The following TMCO5A variants were observed in gnomAD, a reference collection of about 807,000 sequenced individuals.
TMCO5A encodes the protein transmembrane and coiled-coil domains 5A.
TMCO5A carries 34 observed loss-of-function variants against 42.3 expected under a neutral mutation model. The ratio of observed to expected loss-of-function variants is 0.80; its 90% CI spans 0.61 to 1.07. The LOEUF is 1.07. TMCO5A is among the 50% of genes least tolerant of loss of function. TMCO5A has a pLI of 0.00. For missense variants in TMCO5A, 357 were observed against 327.9 expected (o/e 1.09, Z -0.69); for synonymous variants, 131 against 115.6 (o/e 1.13, Z -0.86).
the TMCO5A span, among the ~76,000 whole-genome samples, chr15:38,038,444 G>A: frequency 7.4e-5 from 11 of 147,942 alleles, no homozygotes; most frequent in Admixed American, 2.0e-4. Flanking sequence ...TCGCTTTGTC[G>A]CCCAGGCTGG....
At chr15:37,966,951 G>A in exon 12 of TMCO5A, 1 of 395,556 alleles carries the variant, frequency 2.5e-6, no homozygotes. Flanking sequence ...GGGGCTCAGT[G>A]CCTATGGAAG....
chr15:37,968,312 C>A (rs1890604308), downstream of TMCO5A, among the ~76,000 whole-genome samples: 1 of 152,144 alleles, frequency 6.6e-6, no homozygotes, highest in Admixed American at 6.5e-5. Flanking sequence ...CTCTGGAGAT[C>A]CACCCCTTTG....
At chr15:37,984,721 TC>T in the TMCO5A span, 1 of 118,908 alleles carries the variant, frequency 8.4e-6, no homozygotes, top group African/African-American at 3.2e-5. Flanking sequence ...GCCTTTCCAC[TC>T]TTCCACCTTG....
At chr15:37,976,259 G>T in the TMCO5A span, among the ~76,000 whole-genome samples, 1 of 150,530 alleles carries the variant, frequency 6.6e-6, no homozygotes, top group East Asian at 2.0e-4. Flanking sequence ...AAAAAAAAAA[G>T]ATCTTATTTT....
chr15:38,033,777 C>A, the TMCO5A span, among the ~76,000 whole-genome samples: 1,648 of 151,998 alleles, frequency 0.011, 27 homozygotes, highest in African/African-American at 0.038. Context: ...CCATGCCCAG[C>A]AAATTTTTGT....
downstream of TMCO5A, among the ~76,000 whole-genome samples, chr15:37,954,255 TAATC>T (rs1049477606): frequency 2.0e-5 from 3 of 152,002 alleles, no homozygotes; most frequent in African/African-American, 4.8e-5. Context: ...AGGCATTTAA[TAATC>T]AAATTCCCAA....
At chr15:38,036,665 C>G in the TMCO5A span, among the ~76,000 whole-genome samples, 11 of 152,238 alleles carry the variant, frequency 7.2e-5, no homozygotes, top group East Asian at 2.1e-3. Flanking sequence ...CTCATACATA[C>G]CTAAACAATC....
chr15:37,934,902 A>G (rs996397702), intron 1 of TMCO5A, among the ~76,000 whole-genome samples: 4 of 152,188 alleles, frequency 2.6e-5, no homozygotes, highest in African/African-American at 9.6e-5. Context: ...CTTTATGGAA[A>G]GCAACTGGCC....
chr15:38,037,596 G>T, the TMCO5A span, among the ~76,000 whole-genome samples: 6 of 152,208 alleles, frequency 3.9e-5, no homozygotes, highest in Non-Finnish European at 7.3e-5. Context: ...CCAATAAGTA[G>T]AGAATCAGGG....
At chr15:38,004,822 G>T in the TMCO5A span, 1 of 152,180 alleles carries the variant, frequency 6.6e-6, no homozygotes, top group Admixed American at 6.5e-5. Flanking sequence ...GTGATGTGAA[G>T]TTAAAACCAG....
the TMCO5A span, among the ~76,000 whole-genome samples, chr15:37,987,880 T>G: frequency 6.6e-6 from 1 of 151,972 alleles, no homozygotes. Context: ...GATAAACTTT[T>G]CTATTTCTGC....
chr15:38,015,646 G>A, the TMCO5A span, among the ~76,000 whole-genome samples: 5 of 152,278 alleles, frequency 3.3e-5, no homozygotes, highest in South Asian at 1.0e-3. Context: ...AAGCTTGGAA[G>A]CAACCAAGAT....
downstream of TMCO5A, among the ~76,000 whole-genome samples, chr15:37,972,081 A>G (rs2140833139): frequency 6.6e-6 from 1 of 152,318 alleles, no homozygotes. Context: ...CTGCTGATGA[A>G]GACATACCTG....
At chr15:38,008,044 T>G in the TMCO5A span, among the ~76,000 whole-genome samples, 1 of 151,670 alleles carries the variant, frequency 6.6e-6, no homozygotes, top group Non-Finnish European at 1.5e-5. Context: ...TACAGGCGCC[T>G]GCCACCACGC....
At chr15:37,999,314 C>T in the TMCO5A span, among the ~76,000 whole-genome samples, 10 of 152,224 alleles carry the variant, frequency 6.6e-5, no homozygotes, top group South Asian at 1.7e-3. Flanking sequence ...ATTGCTTTCT[C>T]GATTTCCTTT....
chr15:37,942,980 G>T (rs1595591150), intron 9 of TMCO5A: 1 of 175,488 alleles, frequency 5.7e-6, no homozygotes, highest in South Asian at 1.4e-4. Context: ...TATAGTCCAG[G>T]GTCCTAGGAC....
chr15:37,938,375 ATTC>A (rs1889606415), intron 6 of TMCO5A, 146 bp downstream of exon 6: 1 of 658,848 alleles, frequency 1.5e-6, no homozygotes, highest in African/African-American at 1.8e-5. Flanking sequence ...GGAGTGCTGA[ATTC>A]TTCTCTGCCC....
At chr15:38,039,688 T>G in the TMCO5A span, among the ~76,000 whole-genome samples, 7 of 152,342 alleles carry the variant, frequency 4.6e-5, no homozygotes, top group East Asian at 1.2e-3. Context: ...TACTGATAAG[T>G]AAACAGAATA....
chr15:37,942,196 C>T lies in TMCO5A; in HGVS notation c.510C>T (p.Tyr170=), dbSNP rs758894544. Residue 170 remains tyrosine (Y), a synonymous_variant, in exon 9 of 12, where the codon TAC becomes TAT. Coordinates refer to ENST00000319669, the MANE Select transcript of TMCO5A (RefSeq NM_152453.4). ...CEDQALYIKK[Y]QETLKKIEEE... The stretch of plus-strand genomic sequence containing the variant: ...TTCTTTGTTTCTCTTTGAAGAAGTA[C>T]CAGGAAACGTTGAAGAAAATAGAAG... 8 of 1,612,368 alleles carry T rather than the reference C, an allele frequency of 5.0e-6. No homozygotes were observed. The highest frequency in any genetic ancestry group is 3.3e-5 in the Admixed American group (2 of 59,840).
Sources: gnomAD v4.1 joint callset for allele counts (sites outside exome capture counted in the v4.1 genomes callset) on GRCh38, gnomAD v4.1.1 for gene constraint, MANE v1.5 for transcripts, NCBI Gene and HGNC (gene_info 2026-07-23, HGNC 2026-07-21) for gene names.